Variants in USP32 observed in about 807,000 individuals in gnomAD.
The protein encoded by USP32 is ubiquitin carboxyl-terminal hydrolase 32.
A neutral mutation model predicts 204.8 loss-of-function variants in USP32; 59 were observed. That is an observed-to-expected ratio of 0.29 (90% CI 0.23 to 0.36). The LOEUF (loss-of-function observed/expected upper bound fraction) is 0.36, where lower values mean the gene tolerates loss of function less well. Among genes scored for constraint, USP32 ranks in the 10% least tolerant of loss-of-function variants. USP32 has a pLI of 1.00. For synonymous variants in USP32, 517 were observed against 678.4 expected (o/e 0.76, Z 3.70); for missense variants, 1,160 against 1,946.4 (o/e 0.60, Z 7.60).
intron 1 of USP32, among the ~76,000 whole-genome samples, chr17:60,349,551 ATGACAGAGTGAGACTCTGTCTCAAAAG>A (rs1598274093): frequency 7.2e-6 from 1 of 138,746 alleles, no homozygotes; most frequent in East Asian, 2.2e-4. Flanking sequence ...AGCCTGGACA[ATGACAGAGTGAGACTCTGTCTCAAAAG>A]AAAAAAAAAA....
rs758427683 is a variant in USP32, at chr17:60,269,502, T to C, written c.759A>G (p.Ile253Met). 1 of 1,611,472 alleles carries C rather than the reference T, an allele frequency of 6.2e-7. No homozygotes were observed. The change falls in exon 7 of 34, where the codon ATA becomes ATG. Residue 253 changes from isoleucine (I) to methionine (M), a missense_variant. Transcript: ENST00000300896. ...NRDNHIDFKE[I>M]SCGLSACCRG... is the part of the protein sequence containing the mutation. ...TGCAACAGGCTGATAACCCACAGGA[T>C]ATCTCCTTAAAATCTATGTGATTGT...
chr17:60,314,803 G>A (rs989943495), intron 2 of USP32, among the ~76,000 whole-genome samples: 1 of 151,990 alleles, frequency 6.6e-6, no homozygotes, highest in Non-Finnish European at 1.5e-5. Context: ...CTGAAAAATA[G>A]TAATACAGAA....
chr17:60,272,464 C>T lies in USP32; in HGVS notation c.572-983G>A, dbSNP rs548874510. Among the ~76,000 whole-genome samples the T allele has an allele frequency of 3.8e-4, 58 of 152,316 alleles. No homozygotes were observed. The East Asian group carries it at 9.3e-3, about 24-fold the overall frequency. On this transcript the variant is annotated intron_variant, in intron 5 of 33. Coordinates refer to ENST00000300896, the MANE Select transcript of USP32 (RefSeq NM_032582.4). ...ACTAAAGTAAAATTTACAAAGCGTA[C>T]ATAGGACATTTATTCTCAACTAAAC...
At chr17:60,200,668 T>C (rs2084654784) in intron 26 of USP32, among the ~76,000 whole-genome samples, 1 of 152,196 alleles carries the variant, frequency 6.6e-6, no homozygotes, top group African/African-American at 2.4e-5. Flanking sequence ...AGCCTCCCAT[T>C]TGCTTCCTCC....
chr17:60,242,241 C>T (rs2085896866), intron 11 of USP32, among the ~76,000 whole-genome samples: 1 of 152,110 alleles, frequency 6.6e-6, no homozygotes, highest in South Asian at 2.1e-4. Context: ...CCTCCTGTCT[C>T]AGCCTCCTGA....
In USP32 at chr17:60,183,343, T is replaced by G; in HGVS notation, c.3945A>C (p.Arg1315Ser). The G allele has an allele frequency of 6.2e-7, 1 of 1,613,950 alleles. No homozygotes were observed. The highest frequency in any genetic ancestry group is 8.5e-7 in the Non-Finnish European group (1 of 1,179,844). ...GTTTATGCTGGCAGAGAGCCGGGTC[T>G]CTTGGTACCAAAAAAGCACTTGGAT... is the stretch of plus-strand genomic sequence containing the variant. ...SFDPSAFLVP[R>S]DPALCQHKPL... is the part of the protein sequence containing the mutation. The change falls in exon 31 of 34, where the codon AGA (arginine) becomes AGC (serine). Residue 1315 changes from arginine to serine, a missense_variant. By Grantham distance (110) the Arg-to-Ser change is moderately radical. Transcript: ENST00000300896.
intron 2 of USP32, among the ~76,000 whole-genome samples, chr17:60,321,406 T>C (rs1438598237): frequency 6.6e-6 from 1 of 152,114 alleles, no homozygotes; most frequent in African/African-American, 2.4e-5. Flanking sequence ...ATAAAACAAA[T>C]ATACCGACAT....
intron 3 of USP32, among the ~76,000 whole-genome samples, chr17:60,298,523 T>C (rs777573731): frequency 1.3e-5 from 2 of 152,192 alleles, no homozygotes; most frequent in East Asian, 3.8e-4. Context: ...ATAGTTGTTA[T>C]AGTGTATTGT....
At chr17:60,387,449 CAG>C (rs2089750342) in intron 1 of USP32, among the ~76,000 whole-genome samples, 1 of 152,210 alleles carries the variant, frequency 6.6e-6, no homozygotes, top group Admixed American at 6.5e-5. Context: ...TCTAGGCCAT[CAG>C]AGACACCCAT....
chr17:60,408,567 G>T (rs57453396), intron 1 of USP32, among the ~76,000 whole-genome samples: 5,241 of 151,878 alleles, frequency 0.035, 295 homozygotes, highest in African/African-American at 0.12. Context: ...TAGTAGAGAT[G>T]GGGTTTCACC....
chr17:60,354,438 T>C (rs536539154), intron 1 of USP32, among the ~76,000 whole-genome samples: 1 of 152,226 alleles, frequency 6.6e-6, no homozygotes, highest in East Asian at 1.9e-4. Context: ...TAAATAAACA[T>C]TGGGAAATAT....
intron 11 of USP32, among the ~76,000 whole-genome samples, chr17:60,243,377 T>C (rs907731497): frequency 4.6e-5 from 7 of 152,222 alleles, no homozygotes; most frequent in African/African-American, 1.4e-4. Context: ...TTTAACTAGC[T>C]TGAAGCTCTA....
intron 11 of USP32, among the ~76,000 whole-genome samples, chr17:60,244,029 GTTTTTTT>G (rs34842511): frequency 1.4e-5 from 1 of 71,680 alleles, no homozygotes; most frequent in Non-Finnish European, 2.4e-5. Context: ...GCTGGATTGT[GTTTTTTT>G]TTTTTTTTTT....
At chr17:60,316,111 G>A (rs527732616) in intron 2 of USP32, 1 of 250,102 alleles carries the variant, frequency 4.0e-6, no homozygotes, top group Non-Finnish European at 7.8e-6. Context: ...GCAAATGATG[G>A]TTGGCCTTTT....
chr17:60,360,305 C>A (rs1436598598), intron 1 of USP32, among the ~76,000 whole-genome samples: 5 of 152,012 alleles, frequency 3.3e-5, no homozygotes, highest in Non-Finnish European at 5.9e-5. Flanking sequence ...AAAACCCCGT[C>A]TCTACTAAAA....
At chr17:60,301,166 TTG>T (rs764565798) in intron 3 of USP32, among the ~76,000 whole-genome samples, 1 of 152,186 alleles carries the variant, frequency 6.6e-6, no homozygotes, top group East Asian at 1.9e-4. Flanking sequence ...ACAAGTTTTT[TTG>T]TGTGTGTGTG....
intron 1 of USP32, among the ~76,000 whole-genome samples, chr17:60,387,850 T>C (rs1294463916): frequency 6.6e-6 from 1 of 152,180 alleles, no homozygotes. Context: ...TCTCATGTAA[T>C]TTATTAGTGT....
chr17:60,180,853 T>C (rs2084090633), intron 32 of USP32, among the ~76,000 whole-genome samples: 1 of 148,494 alleles, frequency 6.7e-6, no homozygotes, highest in South Asian at 2.1e-4. Flanking sequence ...ACAATCATTT[T>C]ATAATTGTAA....
rs775633057 is a variant in USP32, at chr17:60,214,606, G to A, written c.2022+14C>T. The A allele has an allele frequency of 1.7e-5, 28 of 1,611,576 alleles. No homozygotes were observed. In the South Asian group the frequency reaches 2.9e-4, roughly 16 times the overall value. ...CAACAATCAGACTCTCTATGACTCT[G>A]AGATGCCTCTTACCTCACTGTTGTA... On this transcript the variant is annotated intron_variant, in intron 17 of 33. Coordinates refer to ENST00000300896, the MANE Select transcript of USP32 (RefSeq NM_032582.4).
Sources: allele counts gnomAD v4.1 joint callset (sites outside exome capture counted in the v4.1 genomes callset), GRCh38; gene constraint gnomAD v4.1.1; transcripts MANE v1.5; gene names NCBI Gene and HGNC (gene_info 2026-07-23, HGNC 2026-07-21).